ZHX2: variants seen among roughly 807,000 people sequenced by gnomAD.
The protein encoded by ZHX2 is zinc fingers and homeoboxes 2, also known as zinc fingers and homeoboxes protein 2.
Under a neutral mutation model 21.9 loss-of-function variants are expected in ZHX2, and 6 were observed. The observed-to-expected ratio is 0.27, with a 90% CI of 0.15 to 0.54. ZHX2 has a LOEUF of 0.54. ZHX2 is among the 20% of genes least tolerant of loss of function. The pLI is 0.95. For missense variants in ZHX2, 908 were observed against 1,090.7 expected (o/e 0.83, Z 2.36); for synonymous variants, 434 against 437.1 (o/e 0.99, Z 0.09).
chr8:122,970,401 G>T (rs187759838), intron 3 of ZHX2, among the ~76,000 whole-genome samples: 10 of 151,970 alleles, frequency 6.6e-5, no homozygotes, highest in African/African-American at 2.2e-4. Context: ...GGGAGCGGAT[G>T]GGGGGGTCAG....
intron 2 of ZHX2, among the ~76,000 whole-genome samples, chr8:122,899,577 C>T (rs987121216): frequency 6.6e-6 from 1 of 152,160 alleles, no homozygotes; most frequent in African/African-American, 2.4e-5. Context: ...CAATACACCC[C>T]CTTTCCCAGA....
intron 2 of ZHX2, among the ~76,000 whole-genome samples, chr8:122,867,753 G>A (rs553903947): frequency 7.6e-4 from 115 of 152,280 alleles, no homozygotes; most frequent in African/African-American, 2.6e-3. Flanking sequence ...GAGACGTAGC[G>A]TGCAAACTCG....
rs1247078337 is a variant in ZHX2, at chr8:122,871,683, A to T, written c.-220+8144A>T. Among the ~76,000 whole-genome samples, 7 of 147,700 alleles carry T rather than the reference A, an allele frequency of 4.7e-5. No homozygotes were observed. In the East Asian group the frequency reaches 1.0e-3, roughly 21 times the overall value. On this transcript the variant is annotated intron_variant, in intron 2 of 3. Coordinates refer to ENST00000314393, the MANE Select transcript of ZHX2 (RefSeq NM_014943.5). ...CCTAGAACTTAAAGTATATATATAT[A>T]TATATAAACCCTTTACATATAATAA...
chr8:122,878,576 C>T (rs1221549048), intron 2 of ZHX2, among the ~76,000 whole-genome samples: 1 of 152,140 alleles, frequency 6.6e-6, no homozygotes, highest in Admixed American at 6.5e-5. Context: ...GGTGCTTTTG[C>T]AGAAAGGTAC....
intron 1 of ZHX2, among the ~76,000 whole-genome samples, chr8:122,846,751 A>C (rs1163257535): frequency 1.3e-5 from 2 of 152,070 alleles, no homozygotes; most frequent in Non-Finnish European, 2.9e-5. Flanking sequence ...AACTGCAATT[A>C]CTTTTGCACC....
At chr8:122,945,974 G>A (rs575226365) in intron 2 of ZHX2, among the ~76,000 whole-genome samples, 2 of 152,254 alleles carry the variant, frequency 1.3e-5, no homozygotes, top group African/African-American at 2.4e-5. Flanking sequence ...GTGTTTTCAG[G>A]TTGGCACAGG....
intron 1 of ZHX2, among the ~76,000 whole-genome samples, chr8:122,860,163 G>T (rs927955756): frequency 2.0e-5 from 3 of 152,196 alleles, no homozygotes; most frequent in Non-Finnish European, 4.4e-5. Flanking sequence ...GAGCGAAGGG[G>T]GAAGAGCTCC....
intron 2 of ZHX2, among the ~76,000 whole-genome samples, chr8:122,875,100 A>G (rs556564035): frequency 1.4e-4 from 14 of 103,440 alleles, no homozygotes; most frequent in African/African-American, 3.6e-4. Flanking sequence ...GCTTGTCTTC[A>G]ACCTGCTTTT....
intron 2 of ZHX2, among the ~76,000 whole-genome samples, chr8:122,915,501 G>A (rs1404700216): frequency 1.3e-5 from 2 of 152,186 alleles, no homozygotes; most frequent in Non-Finnish European, 2.9e-5. Flanking sequence ...TAAATAAATA[G>A]TAAGAAATTT....
intron 3 of ZHX2, among the ~76,000 whole-genome samples, chr8:122,964,262 G>A (rs1813525990): frequency 1.3e-5 from 2 of 152,082 alleles, no homozygotes; most frequent in African/African-American, 4.8e-5. Flanking sequence ...CCCATTTAAT[G>A]TAATGTTGGC....
chr8:122,957,559 C>A (rs143700448), intron 3 of ZHX2, among the ~76,000 whole-genome samples: 12,657 of 152,134 alleles, frequency 0.083, 621 homozygotes, highest in African/African-American at 0.14. Context: ...CCTCCGCCTC[C>A]CAGGTTCAAG....
At chr8:122,947,360 A>C (rs1194552357) in intron 2 of ZHX2, among the ~76,000 whole-genome samples, 1 of 152,102 alleles carries the variant, frequency 6.6e-6, no homozygotes, top group African/African-American at 2.4e-5. Context: ...CCTTCATTGT[A>C]TTAGACAATA....
At chr8:122,842,849 G>A (rs991889048) in intron 1 of ZHX2, among the ~76,000 whole-genome samples, 1 of 152,214 alleles carries the variant, frequency 6.6e-6, no homozygotes, top group Non-Finnish European at 1.5e-5. Context: ...CTTTGCCTGC[G>A]CTTTGGGGTT....
intron 1 of ZHX2, among the ~76,000 whole-genome samples, chr8:122,796,672 G>A (rs911827087): frequency 2.0e-5 from 3 of 152,190 alleles, no homozygotes; most frequent in South Asian, 2.1e-4. Flanking sequence ...ACAACCAAAC[G>A]TTTATTAATG....
intron 2 of ZHX2, among the ~76,000 whole-genome samples, chr8:122,905,989 T>C (rs1230116594): frequency 6.6e-6 from 1 of 152,240 alleles, no homozygotes; most frequent in Non-Finnish European, 1.5e-5. Flanking sequence ...TTATGCCATG[T>C]AGTTTCCTGC....
intron 1 of ZHX2, among the ~76,000 whole-genome samples, chr8:122,830,585 A>C (rs1937016587): frequency 6.6e-6 from 1 of 152,178 alleles, no homozygotes; most frequent in African/African-American, 2.4e-5. Context: ...GGTATTCACC[A>C]TGTCGTTGTA....
chr8:122,803,659 A>C (rs1817762148), intron 1 of ZHX2, among the ~76,000 whole-genome samples: 1 of 152,192 alleles, frequency 6.6e-6, no homozygotes, highest in Admixed American at 6.5e-5. Flanking sequence ...CCCATGGAGA[A>C]CCCGTGGACT....
At chr8:122,885,628 A>G (rs4871323) in intron 2 of ZHX2, among the ~76,000 whole-genome samples, 76,411 of 151,904 alleles carry the variant, frequency 0.5, 19,495 homozygotes, top group South Asian at 0.63. Context: ...ACGTCTAGAG[A>G]CATCTTTTTT....
At chr8:122,928,634 G>A (rs528852892) in intron 2 of ZHX2, among the ~76,000 whole-genome samples, 37 of 152,302 alleles carry the variant, frequency 2.4e-4, no homozygotes, top group African/African-American at 7.7e-4. Flanking sequence ...AAAGTCATTC[G>A]ATTCCCGTAA....
Sources: gnomAD v4.1 joint callset for allele counts (sites outside exome capture counted in the v4.1 genomes callset) on GRCh38, gnomAD v4.1.1 for gene constraint, MANE v1.5 for transcripts, NCBI Gene and HGNC (gene_info 2026-07-23, HGNC 2026-07-21) for gene names.